Variants in ZNF804B observed in about 807,000 individuals in gnomAD.
ZNF804B encodes zinc finger protein 804B.
ZNF804B carries 80 observed loss-of-function variants against 101.4 expected under a neutral mutation model. The ratio of observed to expected loss-of-function variants is 0.79; its 90% CI spans 0.66 to 0.95. ZNF804B has a LOEUF of 0.95. ZNF804B is among the 40% of genes least tolerant of loss of function. The probability of loss-of-function intolerance (pLI) is 0.00; values close to 1 mark genes in which losing one functional copy is unlikely to be tolerated. For missense variants in ZNF804B, 1,673 were observed against 1,561.9 expected, an observed-to-expected ratio of 1.07 and a Z score of -1.20; for synonymous variants, 622 against 558.8, an observed-to-expected ratio of 1.11 and a Z score of -1.59.
intron 1 of ZNF804B, among the ~76,000 whole-genome samples, chr7:88,834,471 G>A (rs1043558695): frequency 6.6e-6 from 1 of 151,716 alleles, no homozygotes; most frequent in Non-Finnish European, 1.5e-5. Flanking sequence ...TCTTGTGAAT[G>A]CAGAATTGAA....
intron 1 of ZNF804B, among the ~76,000 whole-genome samples, chr7:89,009,478 G>C (rs923708378): frequency 2.0e-5 from 3 of 152,002 alleles, no homozygotes; most frequent in Non-Finnish European, 4.4e-5. Context: ...AGCTTCTTTC[G>C]TGTCAACCTA....
At chr7:89,129,439 G>T (rs1435930069) in intron 1 of ZNF804B, among the ~76,000 whole-genome samples, 1 of 151,910 alleles carries the variant, frequency 6.6e-6, no homozygotes, top group East Asian at 1.9e-4. Context: ...GGGAAGCCAG[G>T]AAGAAATGAA....
At chr7:88,807,531 G>C (rs957167553) in intron 1 of ZNF804B, among the ~76,000 whole-genome samples, 1 of 152,106 alleles carries the variant, frequency 6.6e-6, no homozygotes, top group Non-Finnish European at 1.5e-5. Flanking sequence ...GCAATATCTG[G>C]GAAATACAAT....
At chr7:89,237,435 T>G (rs1420570412) in intron 2 of ZNF804B, among the ~76,000 whole-genome samples, 1 of 152,228 alleles carries the variant, frequency 6.6e-6, no homozygotes, top group Non-Finnish European at 1.5e-5. Flanking sequence ...CTCATAGATC[T>G]GTCCCATCCA....
intron 1 of ZNF804B, among the ~76,000 whole-genome samples, chr7:88,818,334 A>T (rs1790917917): frequency 6.6e-6 from 1 of 152,176 alleles, no homozygotes; most frequent in African/African-American, 2.4e-5. Context: ...TAAATTAGGG[A>T]TTATCCTAAT....
intron 1 of ZNF804B, among the ~76,000 whole-genome samples, chr7:88,892,116 G>A (rs1009503622): frequency 6.6e-6 from 1 of 151,974 alleles, no homozygotes; most frequent in Non-Finnish European, 1.5e-5. Flanking sequence ...TGCCTTTACT[G>A]TCCAGAAATA....
At chr7:88,876,190 T>G (rs1791937115) in intron 1 of ZNF804B, among the ~76,000 whole-genome samples, 1 of 152,172 alleles carries the variant, frequency 6.6e-6, no homozygotes, top group Admixed American at 6.5e-5. Context: ...GACAGATCAG[T>G]TTTAGCTTAC....
At chr7:88,851,642 A>G (rs1341427508) in intron 1 of ZNF804B, among the ~76,000 whole-genome samples, 1 of 152,132 alleles carries the variant, frequency 6.6e-6, no homozygotes, top group Non-Finnish European at 1.5e-5. Flanking sequence ...ATTCTTAAGT[A>G]GAAACAAAAC....
chr7:89,017,736 C>T (rs1788592867), intron 1 of ZNF804B, among the ~76,000 whole-genome samples: 1 of 151,906 alleles, frequency 6.6e-6, no homozygotes, highest in Non-Finnish European at 1.5e-5. Context: ...GATTGATCAC[C>T]TTCTTGGTTA....
intron 1 of ZNF804B, among the ~76,000 whole-genome samples, chr7:89,170,041 C>T (rs533935607): frequency 6.6e-6 from 1 of 152,330 alleles, no homozygotes; most frequent in African/African-American, 2.4e-5. Context: ...TTCAAATATA[C>T]TTCAACATTC....
chr7:89,146,042 G>T (rs1584014142), intron 1 of ZNF804B, among the ~76,000 whole-genome samples: 1 of 151,984 alleles, frequency 6.6e-6, no homozygotes, highest in East Asian at 1.9e-4. Context: ...GCTTCCAAAT[G>T]ATGTTGAAAC....
intron 1 of ZNF804B, among the ~76,000 whole-genome samples, chr7:89,088,791 A>G (rs1771769552): frequency 6.6e-6 from 1 of 151,638 alleles, no homozygotes; most frequent in Admixed American, 6.6e-5. Flanking sequence ...TGTGGAGGCA[A>G]ACATTGAACA....
intron 1 of ZNF804B, among the ~76,000 whole-genome samples, chr7:88,928,478 A>T (rs1047368355): frequency 1.6e-4 from 25 of 152,174 alleles, no homozygotes; most frequent in African/African-American, 6.0e-4. Context: ...GTCAAGTGGG[A>T]GTTGGCAAAT....
chr7:88,796,480 C>T (rs1016267238), intron 1 of ZNF804B, among the ~76,000 whole-genome samples: 8 of 152,070 alleles, frequency 5.3e-5, no homozygotes, highest in African/African-American at 1.4e-4. Flanking sequence ...CATGTCATTG[C>T]CCAGTCTAGT....
At chr7:88,770,621 G>T (rs1470120293) in intron 1 of ZNF804B, among the ~76,000 whole-genome samples, 1 of 152,102 alleles carries the variant, frequency 6.6e-6, no homozygotes, top group African/African-American at 2.4e-5. Context: ...CCAATGGTGT[G>T]GGAGCTCTCT....
chr7:88,872,875 G>T (rs1483980834), intron 1 of ZNF804B, among the ~76,000 whole-genome samples: 11 of 151,038 alleles, frequency 7.3e-5, no homozygotes, highest in Non-Finnish European at 2.9e-5. Flanking sequence ...ATCATTGTTG[G>T]ACATTTGGGT....
At chr7:88,890,665 C>G (rs1432253823) in intron 1 of ZNF804B, among the ~76,000 whole-genome samples, 1 of 152,064 alleles carries the variant, frequency 6.6e-6, no homozygotes, top group East Asian at 1.9e-4. Context: ...ATTAATGGAA[C>G]CACGTTTTAT....
chr7:89,306,202 A>G (rs899762961), intron 2 of ZNF804B, among the ~76,000 whole-genome samples: 6 of 152,048 alleles, frequency 3.9e-5, no homozygotes, highest in Non-Finnish European at 8.8e-5. Flanking sequence ...ATTACAAATT[A>G]CAGTTAATTG....
intron 1 of ZNF804B, among the ~76,000 whole-genome samples, chr7:88,815,266 A>C (rs1195860229): frequency 6.7e-6 from 1 of 148,708 alleles, no homozygotes; most frequent in Non-Finnish European, 1.5e-5. Context: ...TATCTATGCT[A>C]TCCATATGAT....
Sources: gnomAD v4.1 joint callset for allele counts (sites outside exome capture counted in the v4.1 genomes callset) on GRCh38, gnomAD v4.1.1 for gene constraint, MANE v1.5 for transcripts, NCBI Gene and HGNC (gene_info 2026-07-23, HGNC 2026-07-21) for gene names.